The following MASP2 variants were observed in gnomAD, a reference collection of about 807,000 sequenced individuals.
MASP2 encodes MBL associated serine protease 2.
Under a neutral mutation model 57.1 loss-of-function variants are expected in MASP2, and 49 were observed. The observed-to-expected ratio is 0.86, with a 90% confidence interval of 0.68 to 1.09. The LOEUF (loss-of-function observed/expected upper bound fraction) is 1.09. MASP2 is among the 50% of genes least tolerant of loss of function. The pLI, the probability that MASP2 is intolerant of heterozygous loss-of-function variation, is 0.00. For missense variants in MASP2, 900 were observed against 874.8 expected, an observed-to-expected ratio of 1.03 and a Z score of -0.36; for synonymous variants, 379 against 340.8, an observed-to-expected ratio of 1.11 and a Z score of -1.24.
chr1:11,041,105 A>ATG (rs59932912), intron 6 of MASP2, among the ~76,000 whole-genome samples: 27,602 of 132,788 alleles, frequency 0.21, 4,835 homozygotes, highest in African/African-American at 0.33. Flanking sequence ...AAGGATGGAT[A>ATG]GATGGATGGA....
At chr1:11,033,955 ACACACACACACT>A (rs779897517) in intron 8 of MASP2, among the ~76,000 whole-genome samples, 6,652 of 69,342 alleles carry the variant, frequency 0.096, 187 homozygotes, top group South Asian at 0.16. Context: ...ACACACACAC[ACACACACACACT>A]CTCTCTCTCT....
chr1:11,039,815 G>GAAGGATGGGTGGATGC lies in MASP2; in HGVS notation c.890-2020_890-2005dup, dbSNP rs1421436711. On this transcript the variant is annotated intron_variant, in intron 6 of 10. Transcript: ENST00000400897. ...GGATGAATAGAAGAATGGATAGATA[G>GAAGGATGGGTGGATGC]AAGGATGGGTGGATGCAAGGATGGG... Among the ~76,000 whole-genome samples, 305 of 150,624 alleles carry GAAGGATGGGTGGATGC rather than the reference G, an allele frequency of 2.0e-3. 1 individual carries two copies. The highest frequency in any genetic ancestry group is 7.2e-3 in the African/African-American group (296 of 40,846).
Position 11,027,530 on chromosome 1 carries a change from A to G in MASP2, c.1416T>C (p.Leu472=), listed in dbSNP as rs1451768310. 6.2e-7 allele frequency: 1 copy of G among 1,614,146 alleles called. No homozygotes were observed. Among genetic ancestry groups the G allele is most frequent in the East Asian group, 2.2e-5 (1 of 44,876 alleles). Residue 472 remains leucine (L), a synonymous_variant, in exon 11 of 11, where the codon CTT becomes CTC. Transcript: ENST00000400897. ...CTGTTAGGACCCAGTTGTCATATAAAAGTGCACCTGCTGCTGTGGTTCCAC... is the reference window on the plus strand; with the variant it reads ...CTGTTAGGACCCAGTTGTCATATAAGAGTGCACCTGCTGCTGTGGTTCCAC... ...ILGGTTAAGA[L]LYDNWVLTAA...
chr1:11,031,034 C>G, intron 8 of MASP2, 152 bp from the exon 9 acceptor site: 2 of 717,406 alleles, frequency 2.8e-6, no homozygotes, highest in South Asian at 4.1e-5. Context: ...AAGACCCCCT[C>G]TCTACGAAAG....
At chr1:11,038,641 C>T (rs1570747344) in intron 6 of MASP2, among the ~76,000 whole-genome samples, 1 of 152,346 alleles carries the variant, frequency 6.6e-6, no homozygotes, top group Non-Finnish European at 1.5e-5. Flanking sequence ...CTGGGTGCAC[C>T]TGGGTGCCCC....
chr1:11,027,884 AC>A (rs1643766377), intron 10 of MASP2, among the ~76,000 whole-genome samples: 1 of 152,190 alleles, frequency 6.6e-6, no homozygotes, highest in South Asian at 2.1e-4. Flanking sequence ...GTGAAAACTG[AC>A]TTTTAGAAGT....
chr1:11,045,811 T>G, intron 3 of MASP2: 1 of 521,900 alleles, frequency 1.9e-6, no homozygotes, highest in Non-Finnish European at 3.4e-6. Context: ...ATGAGGGGAG[T>G]CAATCAAACC....
At chr1:11,043,616 G>T in intron 4 of MASP2, 81 bp from the exon 5 acceptor site, 1 of 979,520 alleles carries the variant, frequency 1.0e-6, no homozygotes, top group Non-Finnish European at 1.5e-6. Flanking sequence ...ATGCCTTGGG[G>T]AGCAGGAAAC....
rs369552047 is a variant in MASP2 at position 11,046,988 on chromosome 1, C to T, written c.137G>A (p.Arg46His). 19 of 1,556,132 alleles carry T rather than the reference C, an allele frequency of 1.2e-5. No individual in the cohort carries two copies. Among genetic ancestry groups the T allele is most frequent in the African/African-American group, 5.5e-5 (4 of 73,300 alleles). The change falls in exon 2 of 11, where the codon CGC becomes CAC. Residue 46 changes from arginine (R) to histidine (H), a missense_variant. Transcript: ENST00000400897. ...PGEYANDQER[R>H]WTLTAPPGYR... ...GCCGGGGGGTGCAGTCAGGGTCCAG[C>T]GCCGCTCCTGGTCATTGGCATACTC...
intron 6 of MASP2, among the ~76,000 whole-genome samples, chr1:11,040,285 A>G (rs1419326557): frequency 6.6e-6 from 1 of 152,130 alleles, no homozygotes; most frequent in African/African-American, 2.4e-5. Context: ...TCTGTCCAAC[A>G]TGGTGAAACT....
intron 4 of MASP2, 197 bp downstream of exon 4, chr1:11,045,211 G>C (rs1178713728): frequency 1.2e-6 from 1 of 836,842 alleles, no homozygotes; most frequent in Non-Finnish European, 2.0e-6. Flanking sequence ...TCAGTCGCTA[G>C]GGCAGGGTGG....
At chr1:11,034,793 C>A in intron 8 of MASP2, 35 bp downstream of exon 8, 1 of 1,456,108 alleles carries the variant, frequency 6.9e-7, no homozygotes, top group Non-Finnish European at 9.3e-7. Context: ...GAGTTCCGGG[C>A]GGTTATGGGG....
At chr1:11,037,460 G>A (rs1638276070) in intron 7 of MASP2, among the ~76,000 whole-genome samples, 1 of 151,570 alleles carries the variant, frequency 6.6e-6, no homozygotes, top group African/African-American at 2.4e-5. Flanking sequence ...TAAATTTAAA[G>A]TTAAGTATAA....
intron 9 of MASP2, 141 bp from the exon 10 acceptor site, chr1:11,030,391 C>T (rs1643824109): frequency 1.6e-6 from 1 of 627,192 alleles, no homozygotes; most frequent in Middle Eastern, 2.7e-4. Flanking sequence ...TACATGATTT[C>T]ATAAATAGGA....
intron 7 of MASP2, among the ~76,000 whole-genome samples, chr1:11,035,947 A>C (rs1402290450): frequency 6.7e-6 from 1 of 149,842 alleles, no homozygotes; most frequent in African/African-American, 2.5e-5. Flanking sequence ...AGTTTGAGAA[A>C]GCAGGTGTGA....
chr1:11,027,762 T>C (rs1245408013), intron 10 of MASP2, 114 bp from the exon 11 acceptor site: 1 of 1,140,306 alleles, frequency 8.8e-7, no homozygotes, highest in Non-Finnish European at 1.2e-6. Context: ...TTATATTACA[T>C]GAATTGGTGG....
intron 6 of MASP2, among the ~76,000 whole-genome samples, chr1:11,042,396 TTGGATGGATGGA>T (rs141900678): frequency 1.6e-4 from 23 of 141,958 alleles, no homozygotes; most frequent in African/African-American, 4.4e-4. Flanking sequence ...GATAGATGGA[TTGGATGGATGGA>T]TGGATGGATG....
intron 10 of MASP2, among the ~76,000 whole-genome samples, chr1:11,028,701 TTTTTC>T (rs775107529): frequency 0.22 from 11,378 of 50,810 alleles, 978 homozygotes; most frequent in African/African-American, 0.47. Flanking sequence ...TTCTGGGTTT[TTTTTC>T]TTTTTTTTTT....
intron 6 of MASP2, among the ~76,000 whole-genome samples, chr1:11,041,371 G>C (rs1233516461): frequency 2.1e-5 from 3 of 144,280 alleles, no homozygotes; most frequent in Non-Finnish European, 4.5e-5. Context: ...TGGAAGAATT[G>C]GCAGATGGAT....
Sources: gnomAD v4.1 joint callset for allele counts (sites outside exome capture counted in the v4.1 genomes callset) on GRCh38, gnomAD v4.1.1 for gene constraint, MANE v1.5 for transcripts, NCBI Gene and HGNC (gene_info 2026-07-23, HGNC 2026-07-21) for gene names.